The following PDE12 variants were observed in gnomAD, a reference collection of about 807,000 sequenced individuals.
The protein encoded by PDE12 is phosphodiesterase 12.
A neutral mutation model predicts 45.4 loss-of-function variants in PDE12; 26 were observed. The ratio of observed to expected loss-of-function variants is 0.57; its 90% CI spans 0.42 to 0.79. The LOEUF (loss-of-function observed/expected upper bound fraction) is 0.79. Among genes scored for constraint, PDE12 ranks in the 30% least tolerant of loss-of-function variants. PDE12 has a pLI of 0.00. For missense variants in PDE12, 668 were observed against 790.0 expected (o/e 0.85, Z 1.85); for synonymous variants, 283 against 323.9 (o/e 0.87, Z 1.36).
At chr3:57,614,523 G>GTTTTTTTTGTTTTGTTT in the PDE12 span, among the ~76,000 whole-genome samples, 1 of 132,026 alleles carries the variant, frequency 7.6e-6, no homozygotes, top group African/African-American at 2.8e-5. Flanking sequence ...CCTGTAATCC[G>GTTTTTTTTGTTTTGTTT]TTTTTTTTTT....
the PDE12 span, among the ~76,000 whole-genome samples, chr3:57,650,443 C>CACACAT: frequency 6.6e-6 from 1 of 150,460 alleles, no homozygotes; most frequent in African/African-American, 2.5e-5. Context: ...CACACACACA[C>CACACAT]ACATACATAC....
the PDE12 span, among the ~76,000 whole-genome samples, chr3:57,639,857 T>C: frequency 3.3e-5 from 5 of 150,778 alleles, no homozygotes; most frequent in East Asian, 9.6e-4. Flanking sequence ...TAAAATGTTA[T>C]CCTTGATTCT....
intron 1 of PDE12, 125 bp from the exon 2 acceptor site, chr3:57,559,185 C>T (rs2069699168): frequency 1.4e-6 from 1 of 716,348 alleles, no homozygotes; most frequent in Non-Finnish European, 2.4e-6. Context: ...CGCGCTACTG[C>T]ACTCCAGCCT....
At chr3:57,602,817 C>T in the PDE12 span, among the ~76,000 whole-genome samples, 13 of 152,190 alleles carry the variant, frequency 8.5e-5, no homozygotes, top group Middle Eastern at 3.4e-3. Context: ...GTAATCCACC[C>T]GCCTCGGTCT....
the PDE12 span, among the ~76,000 whole-genome samples, chr3:57,580,363 C>T: frequency 6.6e-6 from 1 of 152,052 alleles, no homozygotes. Context: ...ATTTCAAAAG[C>T]TACTCCTTTT....
downstream of PDE12, among the ~76,000 whole-genome samples, chr3:57,567,371 G>A (rs1326118431): frequency 1.3e-5 from 2 of 151,984 alleles, no homozygotes; most frequent in Non-Finnish European, 2.9e-5. Flanking sequence ...GACTGACAAG[G>A]TCAGGAAGGA....
chr3:57,634,475 T>C, the PDE12 span: 1 of 686,546 alleles, frequency 1.5e-6, no homozygotes, highest in Non-Finnish European at 2.1e-6. Flanking sequence ...TTCACATTAG[T>C]ATACATAAAG....
At chr3:57,618,605 G>GTTTT in the PDE12 span, among the ~76,000 whole-genome samples, 6 of 34,190 alleles carry the variant, frequency 1.8e-4, no homozygotes, top group East Asian at 3.3e-3. Context: ...GTTTGCTTTT[G>GTTTT]TGTTTTTTTT....
chr3:57,588,604 A>G, the PDE12 span, among the ~76,000 whole-genome samples: 1 of 150,220 alleles, frequency 6.7e-6, no homozygotes, highest in South Asian at 2.1e-4. Context: ...CTGTAATCCC[A>G]GCACTTTGGG....
chr3:57,567,772 C>T (rs1474455798), downstream of PDE12, among the ~76,000 whole-genome samples: 3 of 152,122 alleles, frequency 2.0e-5, no homozygotes, highest in African/African-American at 7.2e-5. Flanking sequence ...CCAGAAGGTA[C>T]AAGCACTTGT....
the PDE12 span, chr3:57,631,282 T>C: frequency 1.7e-5 from 4 of 228,964 alleles, no homozygotes; most frequent in East Asian, 4.3e-4. Context: ...CTACAACCTC[T>C]GCCCCCCGGG....
the PDE12 span, among the ~76,000 whole-genome samples, chr3:57,606,343 G>A: frequency 3.3e-5 from 5 of 152,104 alleles, no homozygotes; most frequent in African/African-American, 1.2e-4. Flanking sequence ...TTAAAATAGG[G>A]AAAGTAAAAA....
At chr3:57,578,252 A>G in the PDE12 span, among the ~76,000 whole-genome samples, 1 of 151,956 alleles carries the variant, frequency 6.6e-6, no homozygotes, top group Non-Finnish European at 1.5e-5. Context: ...TCTTAAGAAA[A>G]TGATAGCAAG....
chr3:57,650,786 T>TA, the PDE12 span, among the ~76,000 whole-genome samples: 2 of 6,340 alleles, frequency 3.2e-4, no homozygotes, highest in Admixed American at 2.7e-3. Flanking sequence ...CCACATGGAA[T>TA]TTTTTTTTTT....
At chr3:57,638,992 G>A in the PDE12 span, among the ~76,000 whole-genome samples, 1 of 152,160 alleles carries the variant, frequency 6.6e-6, no homozygotes, top group African/African-American at 2.4e-5. Flanking sequence ...CAGCTACTCG[G>A]GAGGCTGAGG....
chr3:57,614,533 T>TG, the PDE12 span, among the ~76,000 whole-genome samples: 1,525 of 130,310 alleles, frequency 0.012, 20 homozygotes, highest in African/African-American at 0.041. Context: ...GTTTTTTTTT[T>TG]TTTGTTTTTT....
At chr3:57,599,108 T>G in the PDE12 span, among the ~76,000 whole-genome samples, 40 of 152,144 alleles carry the variant, frequency 2.6e-4, no homozygotes, top group African/African-American at 9.7e-4. Context: ...GAGACATCAA[T>G]CAATATATGT....
chr3:57,601,938 A>G, the PDE12 span, among the ~76,000 whole-genome samples: 1 of 149,562 alleles, frequency 6.7e-6, no homozygotes, highest in Non-Finnish European at 1.5e-5. Context: ...TATTTTTAGT[A>G]GAGATGGGGT....
the PDE12 span, among the ~76,000 whole-genome samples, chr3:57,645,019 T>C: frequency 6.6e-6 from 1 of 151,792 alleles, no homozygotes; most frequent in Non-Finnish European, 1.5e-5. Context: ...AATCTAGCTG[T>C]AAAAAGAAGG....
Sources: allele counts gnomAD v4.1 joint callset (sites outside exome capture counted in the v4.1 genomes callset), GRCh38; gene constraint gnomAD v4.1.1; transcripts MANE v1.5; gene names NCBI Gene and HGNC (gene_info 2026-07-23, HGNC 2026-07-21).